Variants in UNC5C observed in about 807,000 individuals in gnomAD.
UNC5C encodes unc-5 netrin receptor C.
A neutral mutation model predicts 99.8 loss-of-function variants in UNC5C; 47 were observed. The observed-to-expected ratio is 0.47, with a 90% confidence interval of 0.37 to 0.60. The LOEUF (loss-of-function observed/expected upper bound fraction) is 0.60, where lower values mean the gene tolerates loss of function less well. UNC5C is among the 20% of genes least tolerant of loss of function. UNC5C has a pLI of 0.00. For synonymous variants in UNC5C, 487 were observed against 452.2 expected (o/e 1.08, Z -0.98); for missense variants, 1,062 against 1,165.9 (o/e 0.91, Z 1.30).
chr4:95,251,708 T>C (rs1739742056), intron 4 of UNC5C, among the ~76,000 whole-genome samples: 2 of 152,176 alleles, frequency 1.3e-5, no homozygotes, highest in Admixed American at 1.3e-4. Context: ...GAGTCAATAT[T>C]GTTGCCATTT....
intron 1 of UNC5C, among the ~76,000 whole-genome samples, chr4:95,372,743 G>A (rs1560808748): frequency 6.6e-6 from 1 of 152,234 alleles, no homozygotes; most frequent in South Asian, 2.1e-4. Flanking sequence ...ACGAATGTGT[G>A]GTTGGTGGTT....
At chr4:95,511,401 C>T (rs1454576647) in intron 1 of UNC5C, among the ~76,000 whole-genome samples, 1 of 152,074 alleles carries the variant, frequency 6.6e-6, no homozygotes, top group Non-Finnish European at 1.5e-5. Flanking sequence ...AATAGAAATG[C>T]TCTGCTGAAT....
chr4:95,341,478 G>GAGAGAGAA (rs1399681117), intron 1 of UNC5C, among the ~76,000 whole-genome samples: 2 of 137,682 alleles, frequency 1.5e-5, no homozygotes, highest in Non-Finnish European at 3.1e-5. Flanking sequence ...AAAGAAGAAA[G>GAGAGAGAA]AGAGAGAAAG....
chr4:95,465,984 AGT>A (rs1473922045), intron 1 of UNC5C, among the ~76,000 whole-genome samples: 6 of 152,208 alleles, frequency 3.9e-5, no homozygotes, highest in Admixed American at 2.6e-4. Context: ...GCGACAAGCT[AGT>A]CAAGTAAACC....
chr4:95,177,804 C>T (rs542252349), intron 14 of UNC5C, among the ~76,000 whole-genome samples: 4 of 151,928 alleles, frequency 2.6e-5, no homozygotes, highest in Non-Finnish European at 5.9e-5. Flanking sequence ...TGGGCTCAAG[C>T]GATCCTCCCA....
intron 1 of UNC5C, among the ~76,000 whole-genome samples, chr4:95,462,781 G>A (rs552234567): frequency 1.3e-5 from 2 of 152,206 alleles, no homozygotes; most frequent in African/African-American, 2.4e-5. Context: ...CCCTATTCTT[G>A]TTGATATTCA....
intron 2 of UNC5C, among the ~76,000 whole-genome samples, chr4:95,308,751 CAAAAAAAAAAAAA>C (rs59626139): frequency 8.7e-5 from 3 of 34,394 alleles, no homozygotes; most frequent in Non-Finnish European, 1.5e-4. Flanking sequence ...GACTCTGTCT[CAAAAAAAAAAAAA>C]AAAAAAAAAA....
At chr4:95,324,650 G>C (rs1285519932) in intron 2 of UNC5C, among the ~76,000 whole-genome samples, 1 of 152,108 alleles carries the variant, frequency 6.6e-6, no homozygotes, top group Admixed American at 6.5e-5. Context: ...CCTAGGTGAT[G>C]GTATTAGGAG....
At chr4:95,441,626 T>C (rs769949343) in intron 1 of UNC5C, among the ~76,000 whole-genome samples, 7 of 152,202 alleles carry the variant, frequency 4.6e-5, no homozygotes, top group Non-Finnish European at 7.3e-5. Context: ...ATTACACTGT[T>C]CTGTATATGA....
chr4:95,477,599 T>C (rs1201552632), intron 1 of UNC5C, among the ~76,000 whole-genome samples: 1 of 152,050 alleles, frequency 6.6e-6, no homozygotes, highest in African/African-American at 2.4e-5. Context: ...ATTACTCTGA[T>C]GTGCTCATCC....
chr4:95,389,946 G>A (rs1209593529), intron 1 of UNC5C, among the ~76,000 whole-genome samples: 1 of 152,134 alleles, frequency 6.6e-6, no homozygotes, highest in Non-Finnish European at 1.5e-5. Context: ...AATTAAGTAT[G>A]TAGTGCCCAT....
intron 1 of UNC5C, among the ~76,000 whole-genome samples, chr4:95,354,710 G>A (rs367679905): frequency 2.2e-4 from 34 of 151,728 alleles, no homozygotes; most frequent in African/African-American, 7.5e-4. Context: ...CTCAAACTCC[G>A]GGGATCAAGT....
At chr4:95,340,442 T>C (rs1743523997) in intron 1 of UNC5C, among the ~76,000 whole-genome samples, 1 of 152,110 alleles carries the variant, frequency 6.6e-6, no homozygotes, top group South Asian at 2.1e-4. Flanking sequence ...TAATTCATGA[T>C]ATATTACAAC....
intron 1 of UNC5C, among the ~76,000 whole-genome samples, chr4:95,388,604 A>T (rs1745274634): frequency 6.6e-6 from 1 of 152,174 alleles, no homozygotes; most frequent in Admixed American, 6.5e-5. Context: ...GATGAGTTTC[A>T]AGTGTAATGA....
intron 4 of UNC5C, among the ~76,000 whole-genome samples, chr4:95,267,510 A>T (rs1413150272): frequency 6.6e-6 from 1 of 152,252 alleles, no homozygotes; most frequent in Non-Finnish European, 1.5e-5. Flanking sequence ...TTGCACCTTT[A>T]GATGATACAA....
In UNC5C at chr4:95,322,396, G is replaced by A. The variant is rs377634859; in HGVS notation, c.346+13014C>T. ...CAGTTCCACAAATTTAGTAGGATGAGTAGCTATAATCTCAGAAAATAAACT... is the reference window on the plus strand; with the variant it reads ...CAGTTCCACAAATTTAGTAGGATGAATAGCTATAATCTCAGAAAATAAACT... On this transcript the variant is annotated intron_variant, in intron 2 of 15. Transcript: ENST00000453304. 3.9e-4 allele frequency among the ~76,000 whole-genome samples: 59 copies of A among 152,266 alleles called. No homozygotes were observed. In the Middle Eastern group the frequency reaches 0.01, roughly 26 times the overall value.
chr4:95,178,921 A>G (rs1304665128), intron 14 of UNC5C, among the ~76,000 whole-genome samples: 1 of 152,238 alleles, frequency 6.6e-6, no homozygotes, highest in Non-Finnish European at 1.5e-5. Context: ...ATGGCTGACA[A>G]CAGCCTTGAA....
chr4:95,366,185 T>C (rs1052827632), intron 1 of UNC5C, among the ~76,000 whole-genome samples: 6 of 152,172 alleles, frequency 3.9e-5, no homozygotes, highest in African/African-American at 1.4e-4. Flanking sequence ...TGTGATGGGC[T>C]GAGTGCACTG....
At chr4:95,246,174 A>G (rs1274711328) in intron 5 of UNC5C, among the ~76,000 whole-genome samples, 1 of 152,244 alleles carries the variant, frequency 6.6e-6, no homozygotes, top group Non-Finnish European at 1.5e-5. Flanking sequence ...TGTAATGTTC[A>G]AAAACAAGAC....
Sources: allele counts gnomAD v4.1 joint callset (sites outside exome capture counted in the v4.1 genomes callset), GRCh38; gene constraint gnomAD v4.1.1; transcripts MANE v1.5; gene names NCBI Gene and HGNC (gene_info 2026-07-23, HGNC 2026-07-21).